FBXL16: variants seen among roughly 807,000 people sequenced by gnomAD.
FBXL16 encodes F-box and leucine rich repeat protein 16.
A neutral mutation model predicts 36.7 loss-of-function variants in FBXL16; 7 were observed. The ratio of observed to expected loss-of-function variants is 0.19; its 90% CI spans 0.11 to 0.36. FBXL16 has a LOEUF of 0.36. FBXL16 is among the 10% of genes least tolerant of loss of function. The pLI, the probability that FBXL16 is intolerant of heterozygous loss-of-function variation, is 1.00. For missense variants in FBXL16, 463 were observed against 659.4 expected (o/e 0.70, Z 3.26); for synonymous variants, 355 against 308.7 (o/e 1.15, Z -1.57).
Position 705,519 on chromosome 16 carries a change from C to G in FBXL16, c.-22G>C, listed in dbSNP as rs2040086758. 6.6e-6 allele frequency: 1 copy of G among 150,492 alleles called. No individual in the cohort carries two copies. Among genetic ancestry groups the G allele is most frequent in the Admixed American group, 6.6e-5 (1 of 15,170 alleles). The allele number at this position is 150,492 out of a possible 1,614,324, so 9.3% of individuals were successfully genotyped here. A position where few individuals can be genotyped will look rare whatever the true frequency, so the allele number is the denominator to read the frequency against. ...GCCGCACGCGCACCTTACCTCGGCC[C>G]GGGCTCCTGGCTCATGCCACGCTGT... On this transcript the variant is annotated 5_prime_UTR_variant, in exon 1 of 6. Coordinates refer to ENST00000397621, the MANE Select transcript of FBXL16 (RefSeq NM_153350.4).
intron 1 of FBXL16, among the ~76,000 whole-genome samples, chr16:698,635 G>A (rs2040032650): frequency 6.6e-6 from 1 of 152,186 alleles, no homozygotes; most frequent in Non-Finnish European, 1.5e-5. Flanking sequence ...CTACCCAAGG[G>A]GCTGGGTGCA....
At chr16:704,372 G>T (rs1264701486) in intron 1 of FBXL16, among the ~76,000 whole-genome samples, 1 of 152,220 alleles carries the variant, frequency 6.6e-6, no homozygotes, top group Non-Finnish European at 1.5e-5. Context: ...CCCCAGATGA[G>T]GGGCAGTTGG....
In FBXL16 at chr16:693,101, A is replaced by G. The variant is rs986312487; in HGVS notation, c.*1174T>C. On this transcript the variant is annotated 3_prime_UTR_variant, in exon 6 of 6. Transcript: ENST00000397621. ...TTGCCAGCATCCCCCAGGACTTCCAAATGTCTCGGGCCGACAGAGCACGGT... is the reference window on the plus strand; with the variant it reads ...TTGCCAGCATCCCCCAGGACTTCCAGATGTCTCGGGCCGACAGAGCACGGT... The G allele has an allele frequency of 2.0e-5, 3 of 151,532 alleles. No homozygotes were observed. Among genetic ancestry groups the G allele is most frequent in the Non-Finnish European group, 4.4e-5 (3 of 67,850 alleles). The allele number at this position is 151,532 out of a possible 1,614,324, so 9.4% of individuals were successfully genotyped here.
At chr16:704,907 G>A (rs867833505) in intron 1 of FBXL16, among the ~76,000 whole-genome samples, 1 of 152,240 alleles carries the variant, frequency 6.6e-6, no homozygotes, top group Admixed American at 6.5e-5. Flanking sequence ...CTAATCCCCA[G>A]GAGGACACCG....
chr16:696,968 G>T lies in FBXL16; in HGVS notation c.438C>A (p.Leu146=), dbSNP rs761316365. ...GLTPVLHAKE[L]YNVLPGGEKE... is the part of the protein sequence containing the mutation. ...TCTCGCCACCAGGCAGCACGTTGTAGAGCTCCTTGGCATGCAGCACCGGCG... is the reference window on the plus strand; with the variant it reads ...TCTCGCCACCAGGCAGCACGTTGTATAGCTCCTTGGCATGCAGCACCGGCG... The change falls in exon 2 of 6, where the codon CTC becomes CTA. Residue 146 remains leucine (L), a synonymous_variant. Coordinates refer to ENST00000397621, the MANE Select transcript of FBXL16 (RefSeq NM_153350.4). 6.3e-7 allele frequency: 1 copy of T among 1,599,744 alleles called. No individual in the cohort carries two copies. The highest frequency in any genetic ancestry group is 8.5e-7 in the Non-Finnish European group (1 of 1,174,450).
chr16:698,913 C>CAA (rs767619638), intron 1 of FBXL16, among the ~76,000 whole-genome samples: 4,395 of 89,510 alleles, frequency 0.049, 444 homozygotes, highest in African/African-American at 0.17. Context: ...GACTTTGTCT[C>CAA]AAAAAAAAAA....
At chr16:701,718 G>A (rs1596576054) in intron 1 of FBXL16, among the ~76,000 whole-genome samples, 1 of 152,184 alleles carries the variant, frequency 6.6e-6, no homozygotes, top group Non-Finnish European at 1.5e-5. Flanking sequence ...GGGCTCGGAC[G>A]ACCTGCGTGG....
chr16:698,929 A>AAAAAAG (rs1279425091), intron 1 of FBXL16, among the ~76,000 whole-genome samples: 19 of 87,836 alleles, frequency 2.2e-4, no homozygotes, highest in African/African-American at 6.0e-4. Flanking sequence ...AAAAAAAAAA[A>AAAAAAG]AAAGAAAGAA....
At position 697,919 on chromosome 16, in the gene FBXL16, G is replaced by A. The variant is rs1170636278; in HGVS notation, c.-14-500C>T. Among the ~76,000 whole-genome samples the A allele has an allele frequency of 1.3e-5, 2 of 151,596 alleles. No individual in the cohort carries two copies. The highest frequency in any genetic ancestry group is 4.9e-5 in the African/African-American group (2 of 41,212). ...GGAGGCTGCAGCAGGAGAATGACGT[G>A]AACCCGGGAGGCGGAGCTTGCAGTG... On this transcript the variant is annotated intron_variant, in intron 1 of 5. Coordinates refer to ENST00000397621, the MANE Select transcript of FBXL16 (RefSeq NM_153350.4). This position sits in a 1 kb window ranked among gnomAD's most constrained non-coding sequence, Gnocchi z 4.6.
rs372969609 is a variant in FBXL16 at position 697,747 on chromosome 16, TC to T, written c.-14-329del. Among the ~76,000 whole-genome samples the T allele has an allele frequency of 8.2e-3, 1,241 of 152,192 alleles. 16 individuals carry two copies. The highest frequency in any genetic ancestry group is 0.029 in the African/African-American group (1,184 of 41,538). On this transcript the variant is annotated intron_variant, in intron 1 of 5. Coordinates refer to ENST00000397621, the MANE Select transcript of FBXL16 (RefSeq NM_153350.4). This position sits in a 1 kb window ranked among gnomAD's most constrained non-coding sequence, Gnocchi z 4.6. ...CGGGCGCGGTGGCTCATGCCTGTAA[TC>T]CCAGCACTTTGGGAGGCCGAGGCGG...
chr16:695,358 CGCCCCGTGCAGCCCCGCCCGGCCCA>C, intron 3 of FBXL16, 32 bp downstream of exon 3: 2 of 1,208,358 alleles, frequency 1.7e-6, no homozygotes, highest in Non-Finnish European at 2.1e-6. Context: ...CGCCCCGCCC[CGCCCCGTGCAGCCCCGCCCGGCCCA>C]GCCCCGCCCG....
At chr16:701,378 C>G (rs955649970) in intron 1 of FBXL16, among the ~76,000 whole-genome samples, 6 of 152,226 alleles carry the variant, frequency 3.9e-5, no homozygotes, top group African/African-American at 1.4e-4. Flanking sequence ...AATCTCGCGT[C>G]CACGTTCCTG....
Position 695,837 on chromosome 16 carries a change from C to T in FBXL16, c.720G>A (p.Leu240=). The change falls in exon 3 of 6, where the codon CTG becomes CTA. Residue 240 remains leucine, a synonymous_variant. Coordinates refer to ENST00000397621, the MANE Select transcript of FBXL16 (RefSeq NM_153350.4). ...CGCTCAGCGAGGTGATGCGCGCGCT[C>T]AGGCTGGACCACAGCCCGGCCTCGG... is the stretch of plus-strand genomic sequence containing the variant. The part of the protein sequence containing the change: ...DFTEAGLWSS[L]SARITSLSVS... The T allele has an allele frequency of 6.2e-7, 1 of 1,606,778 alleles. No homozygotes were observed. Among genetic ancestry groups the T allele is most frequent in the Non-Finnish European group, 8.5e-7 (1 of 1,176,110 alleles).
At position 699,126 on chromosome 16, in the gene FBXL16, G is replaced by A. The variant is rs895231382; in HGVS notation, c.-14-1707C>T. ...CCCACTGCACAGATGAGGAAACTGA[G>A]GCCAAGGCTGGGCAAACTGCCTGCC... On this transcript the variant is annotated intron_variant, in intron 1 of 5. Transcript: ENST00000397621. Among the ~76,000 whole-genome samples the A allele has an allele frequency of 2.6e-5, 4 of 152,208 alleles. No homozygotes were observed. The East Asian group carries it at 5.8e-4, about 22-fold the overall frequency.
intron 2 of FBXL16, 94 bp downstream of exon 2, chr16:696,679 C>T (rs2040013843): frequency 4.6e-6 from 6 of 1,306,700 alleles, no homozygotes; most frequent in Non-Finnish European, 5.9e-6. Context: ...CTTCTTTCCT[C>T]CCACCCCAAA....
At chr16:701,725 G>A (rs751849034) in intron 1 of FBXL16, among the ~76,000 whole-genome samples, 1 of 152,184 alleles carries the variant, frequency 6.6e-6, no homozygotes, top group Admixed American at 6.5e-5. Context: ...GACGACCTGC[G>A]TGGGCTGCTA....
intron 3 of FBXL16, 68 bp downstream of exon 3, chr16:695,347 C>T (rs1409300802): frequency 1.1e-5 from 12 of 1,065,870 alleles, no homozygotes; most frequent in Non-Finnish European, 1.4e-5. Context: ...CCGTGCAGCC[C>T]CGCCCCGCCC....
intron 1 of FBXL16, among the ~76,000 whole-genome samples, chr16:703,351 C>T (rs1361296386): frequency 1.3e-5 from 2 of 152,106 alleles, no homozygotes; most frequent in Non-Finnish European, 2.9e-5. Context: ...TCTCTTCCCC[C>T]ATCTCTGGTG....
intron 2 of FBXL16, 174 bp from the exon 3 acceptor site, chr16:696,097 G>C (rs981301189): frequency 8.6e-6 from 8 of 934,046 alleles, no homozygotes; most frequent in Non-Finnish European, 1.1e-5. Flanking sequence ...GGTGCTGGGG[G>C]CGTTGGCACC....
Sources: gnomAD v4.1 joint callset for allele counts (sites outside exome capture counted in the v4.1 genomes callset) on GRCh38, gnomAD v4.1.1 for gene constraint, Gnocchi (gnomAD v3.1) non-coding constraint, MANE v1.5 for transcripts, NCBI Gene and HGNC (gene_info 2026-07-23, HGNC 2026-07-21) for gene names.